Variants in SYK observed in about 807,000 individuals in gnomAD.
The protein encoded by SYK is tyrosine-protein kinase SYK.
In SYK, 16 loss-of-function variants were observed where a neutral mutation model predicts 77.8. The observed-to-expected ratio is 0.21, with a 90% CI of 0.14 to 0.31. The LOEUF (loss-of-function observed/expected upper bound fraction) is 0.31. Among genes scored for constraint, SYK ranks in the 10% least tolerant of loss-of-function variants. SYK has a pLI of 1.00. For synonymous variants in SYK, 312 were observed against 308.7 expected, an observed-to-expected ratio of 1.01 and a Z score of -0.11; for missense variants, 529 against 814.4, an observed-to-expected ratio of 0.65 and a Z score of 4.26.
At chr9:90,828,648 A>G (rs540561376) in intron 1 of SYK, among the ~76,000 whole-genome samples, 7 of 152,274 alleles carry the variant, frequency 4.6e-5, no homozygotes, top group African/African-American at 1.7e-4. Flanking sequence ...TGTTCTGTTA[A>G]TTATTCACAA....
At chr9:90,862,096 A>G in intron 3 of SYK, 110 bp from the exon 4 acceptor site, 1 of 1,342,420 alleles carries the variant, frequency 7.4e-7, no homozygotes, top group South Asian at 1.8e-5. Context: ...TTGCCAGGTG[A>G]CAGGCCCCAG....
chr9:90,879,172 A>T (rs1305775270), intron 11 of SYK, among the ~76,000 whole-genome samples: 1 of 152,234 alleles, frequency 6.6e-6, no homozygotes. Context: ...ATTCTAAATT[A>T]TGTTTCATGG....
At chr9:90,894,152 C>G (rs1365306667) in intron 13 of SYK, among the ~76,000 whole-genome samples, 1 of 152,172 alleles carries the variant, frequency 6.6e-6, no homozygotes, top group Non-Finnish European at 1.5e-5. Context: ...ATTTGGATCC[C>G]CACAGTTGGA....
At chr9:90,885,519 C>G (rs1176436140) in intron 11 of SYK, among the ~76,000 whole-genome samples, 1 of 152,098 alleles carries the variant, frequency 6.6e-6, no homozygotes, top group Non-Finnish European at 1.5e-5. Context: ...TGAGCAAACC[C>G]TTCATGATAT....
rs1491224481 is a variant in SYK at position 90,812,739 on chromosome 9, A to ATG, written c.-42+10847_-42+10848insGT. 4.4e-3 allele frequency among the ~76,000 whole-genome samples: 410 copies of ATG among 94,106 alleles called. 2 individuals are homozygous for ATG. The highest frequency in any genetic ancestry group is 0.021 in the Middle Eastern group (4 of 188). 61.7% of individuals were successfully genotyped at this position (94,106 alleles called of 152,430 possible). On this transcript the variant is annotated intron_variant, in intron 1 of 13. Coordinates refer to ENST00000375754, the MANE Select transcript of SYK (RefSeq NM_003177.7). ...GGCCAGAGTGGCTCCTCCCCATTTG[A>ATG]TATGTGTGTGTGTGTGTGTGTGTGT...
intron 1 of SYK, among the ~76,000 whole-genome samples, chr9:90,820,828 A>T (rs926386064): frequency 3.3e-5 from 5 of 151,416 alleles, no homozygotes; most frequent in African/African-American, 1.2e-4. Flanking sequence ...TCTATTACAT[A>T]GTCAGGCTGC....
chr9:90,889,872 T>C lies in SYK; in HGVS notation c.1835+1245T>C, dbSNP rs10993745. ...TAGAATCGTAAGAACCATTGGCAGG[T>C]AGGCACTGGCAGCACTGGACCCTGG... On this transcript the variant is annotated intron_variant, in intron 13 of 13. Transcript: ENST00000375754. 0.02 allele frequency among the ~76,000 whole-genome samples: 3,033 copies of C among 152,318 alleles called. 177 individuals are homozygous for C. The East Asian group carries it at 0.22, about 11-fold the overall frequency.
intron 7 of SYK, 57 bp from the exon 8 acceptor site, chr9:90,874,147 C>T: frequency 7.6e-7 from 1 of 1,309,134 alleles, no homozygotes; most frequent in Admixed American, 1.8e-5. Context: ...TTATGCAGAT[C>T]AACTTAACAG....
At chr9:90,840,856 G>A (rs17489214) in intron 1 of SYK, among the ~76,000 whole-genome samples, 24,111 of 152,206 alleles carry the variant, frequency 0.16, 2,131 homozygotes, top group Middle Eastern at 0.23. Context: ...TTAGGGGCTC[G>A]CCCAGGAGTA....
At chr9:90,875,960 G>T (rs1057319788) in intron 9 of SYK, among the ~76,000 whole-genome samples, 4 of 152,100 alleles carry the variant, frequency 2.6e-5, no homozygotes, top group South Asian at 4.1e-4. Flanking sequence ...TGATTCAAGG[G>T]TTAAAAATAT....
intron 11 of SYK, among the ~76,000 whole-genome samples, chr9:90,884,162 C>T (rs28869586): frequency 0.15 from 7,299 of 48,778 alleles, 971 homozygotes; most frequent in Admixed American, 0.34. Context: ...TGTATATATA[C>T]ACACATACAC....
chr9:90,894,538 G>A (rs199970352), intron 13 of SYK, among the ~76,000 whole-genome samples: 21 of 152,174 alleles, frequency 1.4e-4, no homozygotes, highest in East Asian at 1.2e-3. Flanking sequence ...GTCCTGATGC[G>A]CGTTCTATGG....
chr9:90,897,217 A>G lies in SYK; in HGVS notation c.*1617A>G, dbSNP rs570551098. On this transcript the variant is annotated 3_prime_UTR_variant, in exon 14 of 14. Transcript: ENST00000375754. ...CATGGAGAAAGACAATCAGTACCCA[A>G]GCTCAGCCACAGAAGACAGGAGTCA... 2 of 231,038 alleles carry G rather than the reference A, an allele frequency of 8.7e-6. No homozygotes were observed. Among genetic ancestry groups the G allele is most frequent in the African/African-American group, 2.2e-5 (1 of 45,360 alleles). The allele number at this position is 231,038 out of a possible 1,614,324, so 14.3% of individuals were successfully genotyped here. A position where few individuals can be genotyped will look rare whatever the true frequency, so the allele number is the denominator to read the frequency against.
intron 3 of SYK, among the ~76,000 whole-genome samples, chr9:90,850,002 CCATCCCTG>C (rs1203096756): frequency 6.6e-6 from 1 of 152,232 alleles, no homozygotes; most frequent in Non-Finnish European, 1.5e-5. Context: ...CAAACTCTTT[CCATCCCTG>C]CATCACAGGT....
chr9:90,865,362 C>G (rs1284630525), intron 6 of SYK, among the ~76,000 whole-genome samples: 1 of 151,366 alleles, frequency 6.6e-6, no homozygotes, highest in Non-Finnish European at 1.5e-5. Context: ...GACTGGAGTG[C>G]ACTGGTGCAA....
chr9:90,806,030 GTTTAT>G (rs994818035), intron 1 of SYK, among the ~76,000 whole-genome samples: 7 of 152,244 alleles, frequency 4.6e-5, no homozygotes, highest in African/African-American at 1.2e-4. Context: ...AAGTTATTTG[GTTTAT>G]TTTATTATGG....
chr9:90,832,837 T>C (rs1825942074), intron 1 of SYK, among the ~76,000 whole-genome samples: 1 of 152,220 alleles, frequency 6.6e-6, no homozygotes, highest in South Asian at 2.1e-4. Flanking sequence ...TTGCTCATAA[T>C]TTCTGTGGGC....
intron 13 of SYK, among the ~76,000 whole-genome samples, chr9:90,893,247 T>G (rs1227253889): frequency 1.3e-5 from 2 of 152,180 alleles, no homozygotes; most frequent in African/African-American, 4.8e-5. Flanking sequence ...GGATATCACG[T>G]GTATATATGG....
chr9:90,828,246 C>CCCT (rs67582715), intron 1 of SYK, among the ~76,000 whole-genome samples: 1 of 116,170 alleles, frequency 8.6e-6, no homozygotes, highest in Admixed American at 8.0e-5. Context: ...CCCCCCCCCC[C>CCCT]GCCCCGCCCA....
Sources: gnomAD v4.1 joint callset for allele counts (sites outside exome capture counted in the v4.1 genomes callset) on GRCh38, gnomAD v4.1.1 for gene constraint, MANE v1.5 for transcripts, NCBI Gene and HGNC (gene_info 2026-07-23, HGNC 2026-07-21) for gene names.